Variants in RBM47 observed in about 807,000 individuals in gnomAD.
RBM47 encodes the protein RNA-binding protein 47.
RBM47 carries 21 observed loss-of-function variants against 47.1 expected under a neutral mutation model. The observed-to-expected ratio is 0.45, with a 90% CI of 0.32 to 0.64. RBM47 has a LOEUF of 0.64. Ranked by LOEUF, RBM47 falls within the 30% of genes least tolerant of loss-of-function variation. RBM47 has a pLI of 0.05. For missense variants in RBM47, 708 were observed against 870.9 expected (o/e 0.81, Z 2.35); for synonymous variants, 375 against 361.7 (o/e 1.04, Z -0.42).
chr4:40,601,980 C>A (rs1442138263), intron 1 of RBM47, among the ~76,000 whole-genome samples: 3 of 151,902 alleles, frequency 2.0e-5, no homozygotes, highest in Non-Finnish European at 2.9e-5. Context: ...ACCAGCCTGG[C>A]CAACATGGTG....
intron 3 of RBM47, among the ~76,000 whole-genome samples, chr4:40,463,710 G>A (rs529415453): frequency 6.6e-6 from 1 of 151,614 alleles, no homozygotes; most frequent in South Asian, 2.1e-4. Flanking sequence ...GGAGGGAATA[G>A]GCTTTTATTA....
intron 2 of RBM47, among the ~76,000 whole-genome samples, chr4:40,486,509 T>C (rs1721110037): frequency 1.3e-5 from 2 of 152,238 alleles, no homozygotes; most frequent in African/African-American, 4.8e-5. Context: ...CAAAAATTTT[T>C]AAATTTGGGC....
intron 1 of RBM47, among the ~76,000 whole-genome samples, chr4:40,609,751 T>G (rs1011294228): frequency 6.6e-6 from 1 of 152,088 alleles, no homozygotes; most frequent in Admixed American, 6.6e-5. Flanking sequence ...CCGGAATCCC[T>G]CTCCAAATGG....
Position 40,472,296 on chromosome 4 carries a change from C to T in RBM47, c.-154-5597G>A, listed in dbSNP as rs985629392. On this transcript the variant is annotated intron_variant, in intron 2 of 6. Transcript: ENST00000295971. Reference sequence around the variant, plus strand: ...TTAATAGTTAAAAATAGTTTTTTGTCGGGTGCGGTGGCTCATGCCTGTAAT... The same window carrying T: ...TTAATAGTTAAAAATAGTTTTTTGTTGGGTGCGGTGGCTCATGCCTGTAAT... 5.3e-5 allele frequency among the ~76,000 whole-genome samples: 8 copies of T among 151,934 alleles called. No homozygotes were observed. In the South Asian group the frequency reaches 1.7e-3, roughly 32 times the overall value.
chr4:40,588,721 T>C (rs1459204513), intron 1 of RBM47, among the ~76,000 whole-genome samples: 2 of 152,104 alleles, frequency 1.3e-5, no homozygotes, highest in East Asian at 3.9e-4. Context: ...AAGTATAAAT[T>C]ACTTTCTTAG....
chr4:40,582,343 G>A (rs1244938954), intron 1 of RBM47, among the ~76,000 whole-genome samples: 1 of 152,096 alleles, frequency 6.6e-6, no homozygotes, highest in Non-Finnish European at 1.5e-5. Flanking sequence ...AGACCAGCCT[G>A]GTCAACATGG....
At chr4:40,608,642 G>T (rs1323269429) in intron 1 of RBM47, among the ~76,000 whole-genome samples, 3 of 152,148 alleles carry the variant, frequency 2.0e-5, no homozygotes, top group African/African-American at 7.2e-5. Flanking sequence ...TGTCAACTAG[G>T]CTTGATGATG....
intron 2 of RBM47, among the ~76,000 whole-genome samples, chr4:40,492,420 A>G (rs1247677488): frequency 1.3e-5 from 2 of 152,104 alleles, no homozygotes; most frequent in Non-Finnish European, 2.9e-5. Flanking sequence ...AGAGTGGGAG[A>G]AGTATGGCAG....
At chr4:40,551,680 G>T (rs1404833928) in intron 1 of RBM47, among the ~76,000 whole-genome samples, 3 of 143,798 alleles carry the variant, frequency 2.1e-5, no homozygotes, top group Admixed American at 7.3e-5. Context: ...ACAGAGTCTC[G>T]CTCTCTTGCC....
chr4:40,583,844 C>T (rs1364483257), intron 1 of RBM47, among the ~76,000 whole-genome samples: 1 of 135,602 alleles, frequency 7.4e-6, no homozygotes, highest in African/African-American at 2.8e-5. Flanking sequence ...GGCGAGAGAG[C>T]GAGACTCCGT....
At chr4:40,607,195 T>C (rs1735842448) in intron 1 of RBM47, among the ~76,000 whole-genome samples, 1 of 152,176 alleles carries the variant, frequency 6.6e-6, no homozygotes, top group Non-Finnish European at 1.5e-5. Flanking sequence ...GAAGTATTGA[T>C]AGATGCCACA....
At chr4:40,550,157 C>G (rs1182255998) in intron 1 of RBM47, among the ~76,000 whole-genome samples, 1 of 152,110 alleles carries the variant, frequency 6.6e-6, no homozygotes, top group South Asian at 2.1e-4. Context: ...GCATCTCTCC[C>G]GAATTCTCAC....
Position 40,426,089 on chromosome 4 carries a change from T to C in RBM47, c.1597A>G (p.Thr533Ala), listed in dbSNP as rs182470135. ...TAACTGGCCCCGTAGATCCCGGCAGTAGGAATTCTCTGAACGTTTGGAGCC... is the reference window on the plus strand; with the variant it reads ...TAACTGGCCCCGTAGATCCCGGCAGCAGGAATTCTCTGAACGTTTGGAGCC... ...TVAPNVQRIP[T>A]AGIYGASYVP... The change falls in exon 7 of 7, where the codon ACT becomes GCT. Residue 533 changes from threonine to alanine, a missense_variant. Coordinates refer to ENST00000295971, the MANE Select transcript of RBM47 (RefSeq NM_001098634.2). The C allele has an allele frequency of 1.4e-4, 231 of 1,614,176 alleles. 1 individual carries two copies. In the East Asian group the frequency reaches 3.1e-3, roughly 22 times the overall value.
chr4:40,486,069 CAA>C lies in RBM47; in HGVS notation c.-154-19372_-154-19371del, dbSNP rs201408070. Among the ~76,000 whole-genome samples the C allele has an allele frequency of 3.8e-4, 24 of 62,832 alleles. 1 individual carries two copies. Among genetic ancestry groups the C allele is most frequent in the African/African-American group, 9.9e-4 (20 of 20,210 alleles). The allele number at this position is 62,832 out of a possible 152,430, so 41.2% of individuals were successfully genotyped here. On this transcript the variant is annotated intron_variant, in intron 2 of 6. Transcript: ENST00000295971. ...TGGACAACAGAGCAAAACCCTGTTT[CAA>C]AAAAAAAAAAAAAAAAAAAAAAAAA...
At chr4:40,432,506 C>T in intron 6 of RBM47, 145 bp downstream of exon 6, 3 of 1,412,846 alleles carry the variant, frequency 2.1e-6, no homozygotes, top group East Asian at 2.4e-5. Flanking sequence ...TGTCATGCTT[C>T]AAATTCAAAA....
In RBM47 at chr4:40,425,222, T is replaced by A. The variant is rs1367048237; in HGVS notation, c.*682A>T. 2 of 152,728 alleles carry A rather than the reference T, an allele frequency of 1.3e-5. No individual in the cohort carries two copies. The highest frequency in any genetic ancestry group is 2.1e-4 in the South Asian group (1 of 4,824). 9.5% of individuals were successfully genotyped at this position (152,728 alleles called of 1,614,324 possible). ...ACGGTGGCAAAGGAGAGCTTTCCAGTGTTTGGACTCAGAAGTGCGGCAAGT... is the reference window on the plus strand; with the variant it reads ...ACGGTGGCAAAGGAGAGCTTTCCAGAGTTTGGACTCAGAAGTGCGGCAAGT... On this transcript the variant is annotated 3_prime_UTR_variant, in exon 7 of 7. Transcript: ENST00000295971.
chr4:40,549,553 C>T (rs1301720730), intron 1 of RBM47, among the ~76,000 whole-genome samples: 2 of 140,122 alleles, frequency 1.4e-5, no homozygotes, highest in Non-Finnish European at 3.0e-5. Flanking sequence ...GATGAAGTCT[C>T]GCTCTGTGGC....
Position 40,583,305 on chromosome 4 carries a change from T to C in RBM47, c.-239-38799A>G, listed in dbSNP as rs188556218. 1.1e-3 allele frequency among the ~76,000 whole-genome samples: 169 copies of C among 148,406 alleles called. 1 individual carries two copies. The highest frequency in any genetic ancestry group is 4.1e-3 in the African/African-American group (162 of 39,980). The stretch of plus-strand genomic sequence containing the variant: ...GGTGCACACCTGTAATCCCAGCTAC[T>C]TGGGAGGCTGAGGCACAAGAATCAC... On this transcript the variant is annotated intron_variant, in intron 1 of 6. Coordinates refer to ENST00000295971, the MANE Select transcript of RBM47 (RefSeq NM_001098634.2).
chr4:40,447,332 G>C (rs564553179), intron 3 of RBM47, among the ~76,000 whole-genome samples: 9 of 152,284 alleles, frequency 5.9e-5, no homozygotes, highest in African/African-American at 2.2e-4. Flanking sequence ...AGGGATTTTT[G>C]TTATGTTTTA....
Sources: gnomAD v4.1 joint callset for allele counts (sites outside exome capture counted in the v4.1 genomes callset) on GRCh38, gnomAD v4.1.1 for gene constraint, MANE v1.5 for transcripts, NCBI Gene and HGNC (gene_info 2026-07-23, HGNC 2026-07-21) for gene names.